The following IPO11 variants were observed in gnomAD, a reference collection of about 807,000 sequenced individuals.
IPO11 encodes importin 11.
IPO11 carries 66 observed loss-of-function variants against 143.2 expected under a neutral mutation model. The observed-to-expected ratio is 0.46, with a 90% CI of 0.38 to 0.57. The LOEUF (loss-of-function observed/expected upper bound fraction) is 0.57. IPO11 is among the 20% of genes least tolerant of loss of function. The pLI, the probability that IPO11 is intolerant of heterozygous loss-of-function variation, is 0.00. For synonymous variants in IPO11, 385 were observed against 377.8 expected (o/e 1.02, Z -0.22); for missense variants, 1,026 against 1,141.0 (o/e 0.90, Z 1.45).
chr5:62,603,627 A>G (rs944048209), intron 29 of IPO11, among the ~76,000 whole-genome samples: 1 of 152,194 alleles, frequency 6.6e-6, no homozygotes, highest in African/African-American at 2.4e-5. Context: ...GATGGGAACA[A>G]TTTAAACACG....
At chr5:62,599,815 A>T (rs1167231730) in intron 28 of IPO11, among the ~76,000 whole-genome samples, 1 of 152,190 alleles carries the variant, frequency 6.6e-6, no homozygotes, top group Non-Finnish European at 1.5e-5. Context: ...TTTATTAGAA[A>T]TCTGTTAATT....
rs1011180977 is a variant in IPO11 at position 62,627,685 on chromosome 5, A to C, written c.*367A>C. On this transcript the variant is annotated 3_prime_UTR_variant, in exon 30 of 30. Coordinates refer to ENST00000325324, the MANE Select transcript of IPO11 (RefSeq NM_016338.5). Reference sequence around the variant, plus strand: ...TACCTGAGATGTTTTTCTGCAACCAAAATTCATTAAATTTGGCTGCCTTAT... The same window carrying C: ...TACCTGAGATGTTTTTCTGCAACCACAATTCATTAAATTTGGCTGCCTTAT... The C allele has an allele frequency of 6.3e-6, 1 of 158,146 alleles. No homozygotes were observed. Among genetic ancestry groups the C allele is most frequent in the African/African-American group, 2.4e-5 (1 of 41,650 alleles). The allele number at this position is 158,146 out of a possible 1,614,324, so 9.8% of individuals were successfully genotyped here. A position where few individuals can be genotyped will look rare whatever the true frequency, so the allele number is the denominator to read the frequency against.
intron 28 of IPO11, among the ~76,000 whole-genome samples, chr5:62,595,582 A>G (rs1435143702): frequency 2.0e-5 from 3 of 152,142 alleles, no homozygotes; most frequent in Non-Finnish European, 2.9e-5. Context: ...TAAAGTTAGA[A>G]AAGTTTTATC....
chr5:62,605,858 C>G (rs1336966811), intron 29 of IPO11, among the ~76,000 whole-genome samples: 2 of 151,978 alleles, frequency 1.3e-5, no homozygotes, highest in African/African-American at 4.8e-5. Flanking sequence ...GTCTCAGCTT[C>G]CTGTGTAGCT....
At chr5:62,580,088 C>G in intron 27 of IPO11, 6 of 1,551,014 alleles carry the variant, frequency 3.9e-6, no homozygotes, top group Non-Finnish European at 5.2e-6. Flanking sequence ...AATAATTTAA[C>G]AAAAGTACCA....
intron 5 of IPO11, among the ~76,000 whole-genome samples, chr5:62,454,441 A>G (rs910247562): frequency 1.3e-5 from 2 of 152,168 alleles, no homozygotes; most frequent in Admixed American, 6.5e-5. Context: ...ATTAAAGGCT[A>G]CCAGTCTATA....
chr5:62,609,333 A>G (rs997687718), intron 29 of IPO11, among the ~76,000 whole-genome samples: 2 of 152,248 alleles, frequency 1.3e-5, no homozygotes, highest in African/African-American at 4.8e-5. Context: ...CCCTTGGGCC[A>G]TATGACTTCA....
intron 1 of IPO11, among the ~76,000 whole-genome samples, chr5:62,435,126 GTATA>G (rs202161598): frequency 5.4e-5 from 4 of 73,516 alleles, no homozygotes; most frequent in South Asian, 4.3e-4. Flanking sequence ...ATGTATATAT[GTATA>G]TATATGTATA....
chr5:62,487,934 C>A, intron 13 of IPO11, 73 bp downstream of exon 13: 3 of 1,248,684 alleles, frequency 2.4e-6, no homozygotes, highest in East Asian at 2.4e-5. Context: ...TGAGTGCCTA[C>A]AATGCATACT....
At chr5:62,513,518 G>C (rs1273199907) in intron 19 of IPO11, among the ~76,000 whole-genome samples, 1 of 135,716 alleles carries the variant, frequency 7.4e-6, no homozygotes, top group Non-Finnish European at 1.6e-5. Context: ...CCTCCCGGAC[G>C]GGGCGGCTGG....
chr5:62,578,610 G>A (rs747557149), intron 27 of IPO11: 113 of 441,702 alleles, frequency 2.6e-4, no homozygotes, highest in Non-Finnish European at 4.3e-4. Context: ...TGTATATTAG[G>A]AAAACTCTAA....
chr5:62,608,996 T>A (rs1300419088), intron 29 of IPO11, among the ~76,000 whole-genome samples: 1 of 152,210 alleles, frequency 6.6e-6, no homozygotes, highest in African/African-American at 2.4e-5. Context: ...GTAGGACTCA[T>A]ACACTGTGTA....
At chr5:62,541,352 CAA>C (rs1212548416) in intron 24 of IPO11, among the ~76,000 whole-genome samples, 1 of 145,862 alleles carries the variant, frequency 6.9e-6, no homozygotes, top group Non-Finnish European at 1.5e-5. Flanking sequence ...GCCTGGGCAA[CAA>C]GAGCGAAACG....
At chr5:62,479,541 T>G (rs1157322316) in intron 9 of IPO11, among the ~76,000 whole-genome samples, 1 of 152,202 alleles carries the variant, frequency 6.6e-6, no homozygotes, top group Admixed American at 6.5e-5. Context: ...TGAACCAGTT[T>G]ACAGTCCCAC....
At chr5:62,472,749 G>A (rs911743427) in intron 7 of IPO11, among the ~76,000 whole-genome samples, 2 of 151,888 alleles carry the variant, frequency 1.3e-5, no homozygotes, top group Admixed American at 6.6e-5. Flanking sequence ...GGCTGGTCTC[G>A]AACTCCTGAC....
chr5:62,474,518 CT>C, intron 8 of IPO11, 54 bp downstream of exon 8: 1 of 1,222,236 alleles, frequency 8.2e-7, no homozygotes, highest in Non-Finnish European at 1.2e-6. Flanking sequence ...TCATTAGTAG[CT>C]TATTCATTCA....
intron 19 of IPO11, among the ~76,000 whole-genome samples, chr5:62,512,696 A>T (rs1214530397): frequency 1.4e-5 from 2 of 142,686 alleles, no homozygotes; most frequent in African/African-American, 2.6e-5. Context: ...AGGGAAGGTC[A>T]GCAGACAAAC....
At chr5:62,476,147 G>T (rs1037962814) in intron 8 of IPO11, among the ~76,000 whole-genome samples, 1 of 152,136 alleles carries the variant, frequency 6.6e-6, no homozygotes, top group Non-Finnish European at 1.5e-5. Context: ...CCTTGTGGGC[G>T]TAGCAGAAGG....
chr5:62,483,966 C>T, intron 10 of IPO11, 44 bp from the exon 11 acceptor site: 3 of 1,507,154 alleles, frequency 2.0e-6, no homozygotes, highest in Middle Eastern at 1.7e-4. Context: ...AATGTAGCTA[C>T]AATGTTTGGC....
Sources: allele counts gnomAD v4.1 joint callset (sites outside exome capture counted in the v4.1 genomes callset), GRCh38; gene constraint gnomAD v4.1.1; transcripts MANE v1.5; gene names NCBI Gene and HGNC (gene_info 2026-07-23, HGNC 2026-07-21).